The following DNAH11 variants were observed in gnomAD, a reference collection of about 807,000 sequenced individuals.
DNAH11 encodes axonemal beta dynein heavy chain 11.
DNAH11 carries 442 observed loss-of-function variants against 526.0 expected under a neutral mutation model. That is an observed-to-expected ratio of 0.84 (90% CI 0.78 to 0.91). DNAH11 has a LOEUF of 0.91. DNAH11 is among the 40% of genes least tolerant of loss of function. The pLI is 0.00. For synonymous variants in DNAH11, 2,461 were observed against 1,935.9 expected, an observed-to-expected ratio of 1.27 and a Z score of -7.12; for missense variants, 6,989 against 5,448.7, an observed-to-expected ratio of 1.28 and a Z score of -8.90.
chr7:21,699,033 T>C (rs1188573292), intron 36 of DNAH11, among the ~76,000 whole-genome samples: 3 of 152,204 alleles, frequency 2.0e-5, no homozygotes, highest in Admixed American at 6.5e-5. Flanking sequence ...AGCTGTGTGA[T>C]TTTCTTTGTC....
In DNAH11 at chr7:21,615,239, C is replaced by A; in HGVS notation, c.3978C>A (p.Leu1326=). 6.2e-7 allele frequency: 1 copy of A among 1,613,346 alleles called. No individual in the cohort carries two copies. ...MKQCRKEIKL[L]KGLWDVIIYV... is the part of the protein sequence containing the mutation. ...AGTGTCGCAAAGAAATAAAATTGCTCAAGGGACTGTGGGATGTCATTATTT... is the reference window on the plus strand; with the variant it reads ...AGTGTCGCAAAGAAATAAAATTGCTAAAGGGACTGTGGGATGTCATTATTT... Residue 1326 remains leucine (L), a synonymous_variant, in exon 21 of 82, where the codon CTC becomes CTA. Coordinates refer to ENST00000409508, the MANE Select transcript of DNAH11 (RefSeq NM_001277115.2).
Position 21,678,649 on chromosome 7 carries a change from G to T in DNAH11, c.5329-2897G>T, listed in dbSNP as rs114973833. The stretch of plus-strand genomic sequence containing the variant: ...TTAAGTCTACAGAGAACTCTGGGCA[G>T]TACAGAGATTTTAACAAATATAAAT... On this transcript the variant is annotated intron_variant, in intron 30 of 81. Transcript: ENST00000409508. 3.2e-3 allele frequency among the ~76,000 whole-genome samples: 491 copies of T among 152,102 alleles called. 1 individual carries two copies. The highest frequency in any genetic ancestry group is 0.011 in the African/African-American group (469 of 41,510).
At chr7:21,640,692 G>A (rs1490333198) in intron 28 of DNAH11, among the ~76,000 whole-genome samples, 2 of 152,014 alleles carry the variant, frequency 1.3e-5, no homozygotes, top group African/African-American at 4.8e-5. Flanking sequence ...TCTCGGGCAG[G>A]TATCGTAATC....
rs756411878 is a variant in DNAH11 at position 21,742,167 on chromosome 7, G to A, written c.8154+1G>A. 1 of 1,613,450 alleles carries A rather than the reference G, an allele frequency of 6.2e-7. No homozygotes were observed. The highest frequency in any genetic ancestry group is 1.1e-5 in the South Asian group (1 of 91,050). On this transcript the variant is annotated splice_donor_variant, in intron 49 of 81. Transcript: ENST00000409508. LOFTEE classifies it high-confidence loss of function. ...GAGAGATTTATCAAACGTCTTCCAG[G>A]TACCTTGACTGCTCTATGTTATGCC...
intron 30 of DNAH11, among the ~76,000 whole-genome samples, chr7:21,678,506 T>G (rs766210631): frequency 2.0e-5 from 3 of 152,166 alleles, no homozygotes; most frequent in African/African-American, 7.2e-5. Context: ...AGCTTTGTTT[T>G]TCTTGCTTAA....
chr7:21,641,992 C>A (rs1378037604), intron 28 of DNAH11, among the ~76,000 whole-genome samples: 2 of 152,160 alleles, frequency 1.3e-5, no homozygotes, highest in Non-Finnish European at 2.9e-5. Flanking sequence ...TAAATGCCAC[C>A]ACGCTAACAA....
At position 21,695,008 on chromosome 7, in the gene DNAH11, A is replaced by G. The variant is rs376438562; in HGVS notation, c.6042-3067A>G. ...CCCATTCACAATTGCTACAAAGAGA[A>G]TAAAATACCTAGGAATACAACTTAT... On this transcript the variant is annotated intron_variant, in intron 35 of 81. Coordinates refer to ENST00000409508, the MANE Select transcript of DNAH11 (RefSeq NM_001277115.2). Among the ~76,000 whole-genome samples the G allele has an allele frequency of 5.9e-5, 9 of 152,314 alleles. No homozygotes were observed. The East Asian group carries it at 1.7e-3, about 29-fold the overall frequency.
At chr7:21,655,782 T>C (rs536352171) in intron 28 of DNAH11, 50 bp from the exon 29 acceptor site, 16 of 1,545,088 alleles carry the variant, frequency 1.0e-5, no homozygotes, top group African/African-American at 1.4e-5. Context: ...ATTATCAGAA[T>C]ATACCTACAG....
At chr7:21,877,093 C>A (rs993010419) in intron 74 of DNAH11, among the ~76,000 whole-genome samples, 1 of 152,208 alleles carries the variant, frequency 6.6e-6, no homozygotes, top group Non-Finnish European at 1.5e-5. Context: ...TCTCTTGTTA[C>A]CCATATGGGT....
At chr7:21,834,439 G>A (rs1353683710) in intron 65 of DNAH11, among the ~76,000 whole-genome samples, 1 of 151,730 alleles carries the variant, frequency 6.6e-6, no homozygotes, top group Non-Finnish European at 1.5e-5. Flanking sequence ...AAAAAGACAA[G>A]AACAAACTAA....
At chr7:21,822,957 CTTTTTTTTTTTTT>C (rs67284255) in intron 65 of DNAH11, among the ~76,000 whole-genome samples, 5 of 60,566 alleles carry the variant, frequency 8.3e-5, no homozygotes, top group African/African-American at 3.7e-4. Flanking sequence ...AGATTATTTG[CTTTTTTTTTTTTT>C]TTTTTTTTTT....
rs1457714478 is a variant in DNAH11 at position 21,665,990 on chromosome 7, T to C, written c.5328+6959T>C. On this transcript the variant is annotated intron_variant, in intron 30 of 81. Transcript: ENST00000409508. Reference sequence around the variant, plus strand: ...GGAGTGTGCTTTTAATTAAAATTATTCTTACTAATACTGTAAGCAGTTTTT... The same window carrying C: ...GGAGTGTGCTTTTAATTAAAATTATCCTTACTAATACTGTAAGCAGTTTTT... Among the ~76,000 whole-genome samples the C allele has an allele frequency of 2.0e-5, 3 of 152,144 alleles. No individual in the cohort carries two copies. In the East Asian group the frequency reaches 5.8e-4, roughly 29 times the overall value.
chr7:21,809,621 T>C (rs1789419637), intron 63 of DNAH11, among the ~76,000 whole-genome samples: 1 of 152,064 alleles, frequency 6.6e-6, no homozygotes, highest in Non-Finnish European at 1.5e-5. Context: ...TGGAGTGCAA[T>C]GGTTCAGTCT....
intron 21 of DNAH11, 135 bp from the exon 22 acceptor site, chr7:21,616,074 G>A (rs1349967980): frequency 1.5e-6 from 1 of 669,928 alleles, no homozygotes; most frequent in Non-Finnish European, 2.6e-6. Context: ...GTTTTGACAA[G>A]TGCAGTTAAT....
chr7:21,787,627 G>C, intron 60 of DNAH11, 44 bp downstream of exon 60: 1 of 1,480,490 alleles, frequency 6.8e-7, no homozygotes. Flanking sequence ...CTCCACAAAG[G>C]GCTGCAAACA....
chr7:21,705,086 A>G (rs1784213658), intron 38 of DNAH11, among the ~76,000 whole-genome samples: 1 of 152,248 alleles, frequency 6.6e-6, no homozygotes, highest in East Asian at 1.9e-4. Context: ...ATGCATGGAT[A>G]TTGAACACTA....
At position 21,901,400 on chromosome 7, in the gene DNAH11, C is replaced by A; in HGVS notation, c.*146C>A. On this transcript the variant is annotated 3_prime_UTR_variant, in exon 82 of 82. Coordinates refer to ENST00000409508, the MANE Select transcript of DNAH11 (RefSeq NM_001277115.2). ...TCAACGCTATCCTTAGAGTGAAAGT[C>A]AGAAAAAAATACTAGAAACTAACTC... 2 of 1,176,220 alleles carry A rather than the reference C, an allele frequency of 1.7e-6. No individual in the cohort carries two copies. 72.9% of individuals were successfully genotyped at this position (1,176,220 alleles called of 1,614,324 possible).
rs570794632 is a variant in DNAH11, at chr7:21,606,461, C to T, written c.3684C>T (p.Ile1228=). ...AAAGATGGGAAACTACCAAAAAGATCGCAGCAACTGTCAGACATGAAGTCT... is the reference window on the plus strand; with the variant it reads ...AAAGATGGGAAACTACCAAAAAGATTGCAGCAACTGTCAGACATGAAGTCT... ...LPERWETTKK[I]AATVRHEVSP... The change falls in exon 19 of 82, where the codon ATC becomes ATT. Residue 1228 remains isoleucine, a synonymous_variant. Coordinates refer to ENST00000409508, the MANE Select transcript of DNAH11 (RefSeq NM_001277115.2). The T allele has an allele frequency of 3.4e-5, 54 of 1,606,732 alleles. No individual in the cohort carries two copies. The highest frequency in any genetic ancestry group is 1.1e-4 in the East Asian group (5 of 44,846).
rs749450764 is a variant in DNAH11 at position 21,854,426 on chromosome 7, A to G, written c.11173A>G (p.Ile3725Val). The G allele has an allele frequency of 9.3e-6, 15 of 1,613,922 alleles. No homozygotes were observed. Among genetic ancestry groups the G allele is most frequent in the Non-Finnish European group, 9.3e-6 (11 of 1,179,852 alleles). ...LYFVINDLQK[I>V]NPLYQFSLKA... ...TTTTGTTATTAATGACCTCCAAAAA[A>G]TCAACCCCCTCTACCAATTCTCTTT... is the stretch of plus-strand genomic sequence containing the variant. Residue 3725 changes from isoleucine (I) to valine (V), a missense_variant, in exon 68 of 82, where the codon ATC becomes GTC. By Grantham distance (29) the Ile-to-Val change is conservative. Transcript: ENST00000409508.
Sources: allele counts gnomAD v4.1 joint callset (sites outside exome capture counted in the v4.1 genomes callset), GRCh38; gene constraint gnomAD v4.1.1; transcripts MANE v1.5; gene names NCBI Gene and HGNC (gene_info 2026-07-23, HGNC 2026-07-21).